The following PTPRN2 variants were observed in gnomAD, a reference collection of about 807,000 sequenced individuals.
PTPRN2 encodes the protein protein tyrosine phosphatase receptor type N2.
PTPRN2 carries 74 observed loss-of-function variants against 118.8 expected under a neutral mutation model. That is an observed-to-expected ratio of 0.62 (90% CI 0.52 to 0.76). The LOEUF (loss-of-function observed/expected upper bound fraction) is 0.76. PTPRN2 is among the 30% of genes least tolerant of loss of function. PTPRN2 has a pLI of 0.00. For synonymous variants in PTPRN2, 641 were observed against 608.0 expected (o/e 1.05, Z -0.80); for missense variants, 1,481 against 1,394.4 (o/e 1.06, Z -0.99).
chr7:157,750,970 C>T (rs1055227592), intron 12 of PTPRN2, among the ~76,000 whole-genome samples: 33 of 152,186 alleles, frequency 2.2e-4, no homozygotes, highest in Admixed American at 9.8e-4. Context: ...ACCTTCTGGC[C>T]GCATCTTTAG....
At chr7:158,441,405 GGTA>G (rs1328971282) in intron 2 of PTPRN2, among the ~76,000 whole-genome samples, 1 of 149,648 alleles carries the variant, frequency 6.7e-6, no homozygotes, top group East Asian at 2.0e-4. Flanking sequence ...TGATGGTCAT[GGTA>G]GTGGTGGTGA....
chr7:157,606,538 C>T (rs1802012930), intron 15 of PTPRN2, among the ~76,000 whole-genome samples: 1 of 152,264 alleles, frequency 6.6e-6, no homozygotes, highest in Non-Finnish European at 1.5e-5. Context: ...GTGCTGCACA[C>T]AACACCAATT....
chr7:158,354,834 A>G (rs1330008902), intron 2 of PTPRN2, among the ~76,000 whole-genome samples: 1 of 152,202 alleles, frequency 6.6e-6, no homozygotes, highest in African/African-American at 2.4e-5. Flanking sequence ...AAGTCAGAGA[A>G]CACCAGATTC....
intron 11 of PTPRN2, among the ~76,000 whole-genome samples, chr7:158,057,554 C>T (rs1031047593): frequency 6.6e-6 from 1 of 152,184 alleles, no homozygotes; most frequent in Non-Finnish European, 1.5e-5. Flanking sequence ...GTTTGGGAAA[C>T]ACACGTAACG....
rs1585337803 is a variant in PTPRN2 at position 158,071,456 on chromosome 7, T to TGCTCGTGGTGGAGGTGCTCGTGGTGGTG, written c.1723+9841_1723+9842insCACCACCACGAGCACCTCCACCACGAGC. ...TCGTGGTGGTGGAGGTGCTCGTGGT[T>TGCTCGTGGTGGAGGTGCTCGTGGTGGTG]GAGGTGCTCGTGGTGGTGGAGGTTC... On this transcript the variant is annotated intron_variant, in intron 11 of 22. Coordinates refer to ENST00000389418, the MANE Select transcript of PTPRN2 (RefSeq NM_002847.5). Among the ~76,000 whole-genome samples the TGCTCGTGGTGGAGGTGCTCGTGGTGGTG allele has an allele frequency of 3.0e-4, 6 of 20,180 alleles. 1 individual carries two copies. Among genetic ancestry groups the TGCTCGTGGTGGAGGTGCTCGTGGTGGTG allele is most frequent in the East Asian group, 2.0e-3 (1 of 496 alleles). The allele number at this position is 20,180 out of a possible 152,430, so 13.2% of individuals were successfully genotyped here.
chr7:158,062,522 G>T (rs1203027552), intron 11 of PTPRN2, among the ~76,000 whole-genome samples: 1 of 152,174 alleles, frequency 6.6e-6, no homozygotes, highest in East Asian at 1.9e-4. Context: ...CCCCTCTCTG[G>T]GCTGGCCAAG....
intron 21 of PTPRN2, among the ~76,000 whole-genome samples, chr7:157,564,024 C>T (rs1799358253): frequency 6.6e-6 from 1 of 152,198 alleles, no homozygotes; most frequent in Non-Finnish European, 1.5e-5. Flanking sequence ...TGGGCCTGCC[C>T]TTAAAAGTTA....
Position 158,192,444 on chromosome 7 carries a change from A to G in PTPRN2, c.432T>C (p.Gly144=), listed in dbSNP as rs1286910439. ...GTCGGAGGGCGTTGGCCAGGGCAGC[A>G]CCGCCCTCCCGACTGTACCTCCTCT... ...GSERRYSREG[G]AALANALRRH... The change falls in exon 5 of 23, where the codon GGT becomes GGC. Residue 144 remains glycine, a synonymous_variant. Transcript: ENST00000389418. The G allele has an allele frequency of 6.4e-7, 1 of 1,565,386 alleles. No homozygotes were observed. The highest frequency in any genetic ancestry group is 8.6e-7 in the Non-Finnish European group (1 of 1,162,960).
At chr7:158,347,430 C>CTCT (rs1807593040) in intron 2 of PTPRN2, among the ~76,000 whole-genome samples, 1 of 152,114 alleles carries the variant, frequency 6.6e-6, no homozygotes, top group African/African-American at 2.4e-5. Context: ...TTTCCTGGCT[C>CTCT]TCTATTCTGT....
intron 14 of PTPRN2, among the ~76,000 whole-genome samples, chr7:157,648,448 C>T (rs1374073939): frequency 2.3e-4 from 25 of 109,842 alleles, no homozygotes; most frequent in Admixed American, 5.8e-4. Context: ...TCACTGTGCA[C>T]TGAACTCGGT....
Position 157,977,947 on chromosome 7 carries a change from A to C in PTPRN2, c.1724-79210T>G, listed in dbSNP as rs1802876292. 6.6e-6 allele frequency among the ~76,000 whole-genome samples: 1 copy of C among 151,892 alleles called. No individual in the cohort carries two copies. The highest frequency in any genetic ancestry group is 6.6e-5 in the Admixed American group (1 of 15,254). On this transcript the variant is annotated intron_variant, in intron 11 of 22. Transcript: ENST00000389418. The surrounding 1 kb of genome is among the most constrained non-coding windows in gnomAD (Gnocchi z 4.6). ...GCCGGCAGGACTCACCGCCGCAGGC[A>C]GCAGGCTCAGGCACCTTTGGTAACT...
chr7:158,199,574 G>A (rs987927787), intron 4 of PTPRN2, among the ~76,000 whole-genome samples: 30 of 152,222 alleles, frequency 2.0e-4, no homozygotes, highest in Admixed American at 1.8e-3. Context: ...GAGATTAACT[G>A]CCTTATGTAA....
At chr7:157,863,406 C>T (rs541965888) in intron 12 of PTPRN2, 1 of 152,374 alleles carries the variant, frequency 6.6e-6, no homozygotes, top group African/African-American at 2.4e-5. Context: ...GGCGACGCGT[C>T]TCAGAGACCT....
At chr7:157,714,372 T>G (rs1218748322) in intron 12 of PTPRN2, among the ~76,000 whole-genome samples, 1 of 152,206 alleles carries the variant, frequency 6.6e-6, no homozygotes, top group Non-Finnish European at 1.5e-5. Flanking sequence ...GAGTGGTCCT[T>G]CCTTTCGCCC....
chr7:157,792,447 G>T (rs937274321), intron 12 of PTPRN2, among the ~76,000 whole-genome samples: 1 of 152,192 alleles, frequency 6.6e-6, no homozygotes, highest in Non-Finnish European at 1.5e-5. Flanking sequence ...CCACCCCCAG[G>T]GAGCTCAGCC....
chr7:158,050,572 C>T (rs1457550676), intron 11 of PTPRN2, among the ~76,000 whole-genome samples: 4 of 152,220 alleles, frequency 2.6e-5, no homozygotes, highest in Non-Finnish European at 5.9e-5. Flanking sequence ...TTGCATCCCA[C>T]AGCCTCCCGG....
chr7:158,504,627 T>C (rs1235324929), intron 1 of PTPRN2, among the ~76,000 whole-genome samples: 1 of 152,258 alleles, frequency 6.6e-6, no homozygotes, highest in Non-Finnish European at 1.5e-5. Flanking sequence ...GTTGGTTCCA[T>C]GTCTCTGCTG....
Position 158,057,351 on chromosome 7 carries a change from G to T in PTPRN2, c.1723+23947C>A. Among the ~76,000 whole-genome samples the T allele has an allele frequency of 1.3e-5, 2 of 152,108 alleles. 1 individual carries two copies. The highest frequency in any genetic ancestry group is 1.3e-4 in the Admixed American group (2 of 15,284). ...GTTCTGCTAGAATCGTCAAACTTGG[G>T]GAAAAACAGGATTTGAGATGAACTT... On this transcript the variant is annotated intron_variant, in intron 11 of 22. Transcript: ENST00000389418.
At chr7:157,862,412 A>G (rs1402567407) in intron 12 of PTPRN2, 1 of 152,194 alleles carries the variant, frequency 6.6e-6, no homozygotes, top group Non-Finnish European at 1.5e-5. Flanking sequence ...CTTATTTCAC[A>G]CGTGTGCTAA....
Sources: gnomAD v4.1 joint callset for allele counts (sites outside exome capture counted in the v4.1 genomes callset) on GRCh38, gnomAD v4.1.1 for gene constraint, Gnocchi (gnomAD v3.1) non-coding constraint, MANE v1.5 for transcripts, NCBI Gene and HGNC (gene_info 2026-07-23, HGNC 2026-07-21) for gene names.